Variants in KLF12 observed in about 807,000 individuals in gnomAD.
The protein encoded by KLF12 is KLF transcription factor 12.
A neutral mutation model predicts 37.8 loss-of-function variants in KLF12; 9 were observed. The ratio of observed to expected loss-of-function variants is 0.24; its 90% CI spans 0.14 to 0.42. The LOEUF (loss-of-function observed/expected upper bound fraction) is 0.42. Ranked by LOEUF, KLF12 falls within the 10% of genes least tolerant of loss-of-function variation. The pLI, the probability that KLF12 is intolerant of heterozygous loss-of-function variation, is 1.00. For synonymous variants in KLF12, 208 were observed against 202.1 expected (o/e 1.03, Z -0.25); for missense variants, 411 against 516.0 (o/e 0.80, Z 1.97).
chr13:74,170,823 G>A, the KLF12 span, among the ~76,000 whole-genome samples: 1 of 152,128 alleles, frequency 6.6e-6, no homozygotes, highest in Non-Finnish European at 1.5e-5. Context: ...GGAGTGCAGT[G>A]GGGCAATCTC....
chr13:74,287,386 GA>G, the KLF12 span, among the ~76,000 whole-genome samples: 1 of 151,386 alleles, frequency 6.6e-6, no homozygotes, highest in African/African-American at 2.4e-5. Flanking sequence ...GAGAGAGAGA[GA>G]GAGAGAGAAT....
chr13:74,279,519 A>ATTTTTTTTTTT, the KLF12 span, among the ~76,000 whole-genome samples: 1 of 146,694 alleles, frequency 6.8e-6, no homozygotes, highest in Non-Finnish European at 1.5e-5. Context: ...AATTTTGTTC[A>ATTTTTTTTTTT]TTTTTTTTTT....
chr13:73,721,480 T>C (rs186485058), intron 6 of KLF12, among the ~76,000 whole-genome samples: 1 of 152,354 alleles, frequency 6.6e-6, no homozygotes, highest in African/African-American at 2.4e-5. Flanking sequence ...AACCGTTCTG[T>C]AAGTACTGTC....
intron 2 of KLF12, among the ~76,000 whole-genome samples, chr13:73,979,353 AAAC>A (rs1319125747): frequency 9.1e-6 from 1 of 110,124 alleles, no homozygotes; most frequent in Non-Finnish European, 1.9e-5. Context: ...GTCTGCTTTT[AAAC>A]ACACACACAC....
At chr13:74,137,123 G>A (rs768246036), upstream of KLF12, among the ~76,000 whole-genome samples, 11 of 152,206 alleles carry the variant, frequency 7.2e-5, no homozygotes, top group Non-Finnish European at 1.0e-4. Context: ...CGGAAGGGAA[G>A]AAGATAGGGA....
intron 1 of KLF12, among the ~76,000 whole-genome samples, chr13:74,018,133 A>G (rs1892748882): frequency 6.6e-6 from 1 of 152,054 alleles, no homozygotes; most frequent in Non-Finnish European, 1.5e-5. Context: ...CAGCCATAAT[A>G]AAGAGGGAAA....
chr13:73,800,654 A>G (rs1159487681), intron 5 of KLF12: 1 of 152,070 alleles, frequency 6.6e-6, no homozygotes, highest in Non-Finnish European at 1.5e-5. Context: ...AACATTAAAA[A>G]TTAGGTTGAC....
intron 2 of KLF12, among the ~76,000 whole-genome samples, chr13:73,952,270 A>C (rs1291948809): frequency 6.6e-6 from 1 of 152,332 alleles, no homozygotes. Flanking sequence ...ACAGTTCCAC[A>C]GGCTTGTACA....
chr13:73,988,071 G>GCTC (rs1891875624), intron 2 of KLF12, among the ~76,000 whole-genome samples: 1 of 152,200 alleles, frequency 6.6e-6, no homozygotes, highest in South Asian at 2.1e-4. Flanking sequence ...TAGGAGAAGG[G>GCTC]CTCCTGTCTT....
At chr13:74,280,906 A>G in the KLF12 span, among the ~76,000 whole-genome samples, 1 of 149,790 alleles carries the variant, frequency 6.7e-6, no homozygotes, top group Non-Finnish European at 1.5e-5. Context: ...AGAATATACT[A>G]ACCTTATCTG....
chr13:74,290,582 T>A, the KLF12 span, among the ~76,000 whole-genome samples: 2 of 152,236 alleles, frequency 1.3e-5, no homozygotes, highest in Non-Finnish European at 2.9e-5. Context: ...ATTTCAATGA[T>A]GTCATACTTA....
the KLF12 span, among the ~76,000 whole-genome samples, chr13:74,204,679 A>G: frequency 6.6e-6 from 1 of 152,158 alleles, no homozygotes; most frequent in East Asian, 1.9e-4. Flanking sequence ...TTTCAGATCT[A>G]AAAACATGTT....
chr13:73,914,118 A>T (rs1462042260), intron 3 of KLF12, among the ~76,000 whole-genome samples: 2 of 152,102 alleles, frequency 1.3e-5, no homozygotes, highest in Non-Finnish European at 2.9e-5. Context: ...CTTCCATCCT[A>T]TACCCCAAAC....
intron 1 of KLF12, among the ~76,000 whole-genome samples, chr13:74,083,493 GACACAC>G (rs61312097): frequency 0.16 from 21,527 of 136,350 alleles, 1,712 homozygotes; most frequent in South Asian, 0.22. Flanking sequence ...GGCGATAGGA[GACACAC>G]ACACACACAC....
the KLF12 span, among the ~76,000 whole-genome samples, chr13:74,158,638 G>A: frequency 6.6e-6 from 1 of 152,118 alleles, no homozygotes. Context: ...GAAGTTGGTC[G>A]TGAAAGAGAC....
At chr13:73,821,184 T>C (rs537853044) in intron 4 of KLF12, among the ~76,000 whole-genome samples, 1 of 152,302 alleles carries the variant, frequency 6.6e-6, no homozygotes, top group African/African-American at 2.4e-5. Context: ...TAAGTGTTAG[T>C]TGCTGCCCTA....
intron 5 of KLF12, among the ~76,000 whole-genome samples, chr13:73,770,194 A>G (rs1258108409): frequency 6.6e-6 from 1 of 152,178 alleles, no homozygotes. Context: ...GATAATTTAA[A>G]AATAATTCTT....
chr13:73,871,393 T>C (rs971654041), intron 3 of KLF12, among the ~76,000 whole-genome samples: 15 of 152,006 alleles, frequency 9.9e-5, no homozygotes, highest in Middle Eastern at 3.2e-3. Flanking sequence ...ATACTTAGAG[T>C]GGTTCGTGTT....
the KLF12 span, among the ~76,000 whole-genome samples, chr13:74,173,561 T>C: frequency 6.6e-6 from 1 of 152,236 alleles, no homozygotes; most frequent in East Asian, 1.9e-4. Flanking sequence ...AGATAGCTGA[T>C]AAACTTAAAA....
Sources: gnomAD v4.1 joint callset for allele counts (sites outside exome capture counted in the v4.1 genomes callset) on GRCh38, gnomAD v4.1.1 for gene constraint, MANE v1.5 for transcripts, NCBI Gene and HGNC (gene_info 2026-07-23, HGNC 2026-07-21) for gene names.